Variants in SMIM31 observed in about 807,000 individuals in gnomAD.
SMIM31 encodes the protein small integral membrane protein 31.
intron 2 of SMIM31, among the ~76,000 whole-genome samples, chr4:164,772,231 A>G (rs936365387): frequency 2.0e-5 from 3 of 151,424 alleles, no homozygotes; most frequent in Non-Finnish European, 2.9e-5. Context: ...AGGAAGAGGG[A>G]GAAGGGGGAG....
At chr4:164,772,585 A>ATTTTATTT (rs70952642) in intron 2 of SMIM31, among the ~76,000 whole-genome samples, 51,140 of 142,504 alleles carry the variant, frequency 0.36, 9,610 homozygotes, top group East Asian at 0.47. Context: ...TTTTTATTTT[A>ATTTTATTT]TTTTTTTTTT....
At chr4:164,766,085 A>T (rs1297217533) in intron 1 of SMIM31, among the ~76,000 whole-genome samples, 1 of 152,210 alleles carries the variant, frequency 6.6e-6, no homozygotes, top group Non-Finnish European at 1.5e-5. Context: ...CAGCCATGAG[A>T]CAGAAAAATA....
rs145530721 is a variant in SMIM31, at chr4:164,777,670, A to G, written c.112+7115A>G. ...ATGATCCTTCATCAAAGGTGTGTCC[A>G]GCCTCTTGACAAGCAGTAGCTATCC... is the stretch of plus-strand genomic sequence containing the variant. On this transcript the variant is annotated intron_variant, in intron 2 of 2. Coordinates refer to ENST00000507311, the MANE Select transcript of SMIM31 (RefSeq NM_001352885.1). Among the ~76,000 whole-genome samples, 46 of 152,238 alleles carry G rather than the reference A, an allele frequency of 3.0e-4. No individual in the cohort carries two copies. In the East Asian group the frequency reaches 8.7e-3, roughly 29 times the overall value.
At chr4:164,790,303 TA>T (rs1363712639) in intron 2 of SMIM31, among the ~76,000 whole-genome samples, 12 of 152,278 alleles carry the variant, frequency 7.9e-5, no homozygotes, top group South Asian at 2.1e-4. Flanking sequence ...TGTATTTTTT[TA>T]AAAAAAATCC....
rs1579076886 is a variant in SMIM31, at chr4:164,801,154, G to C, written c.176G>C (p.Cys59Ser). Residue 59 changes from cysteine to serine, a missense_variant, in exon 3 of 3, where the codon TGC (cysteine) becomes TCC (serine). Coordinates refer to ENST00000507311, the MANE Select transcript of SMIM31 (RefSeq NM_001352885.1). ...KRKKSEKKKN[C>S]SEEEHRIEAV... is the part of the protein sequence containing the mutation. ...AAAAAGTCTGAAAAGAAGAAAAATT[G>C]CTCAGAGGAAGAGCACAGAATTGAA... The C allele has an allele frequency of 2.5e-6, 1 of 398,932 alleles. No homozygotes were observed. Among genetic ancestry groups the C allele is most frequent in the East Asian group, 3.6e-5 (1 of 28,060 alleles). The allele number at this position is 398,932 out of a possible 1,614,324, so 24.7% of individuals were successfully genotyped here.
At chr4:164,797,575 T>C (rs1007222609) in intron 2 of SMIM31, among the ~76,000 whole-genome samples, 3 of 151,346 alleles carry the variant, frequency 2.0e-5, no homozygotes, top group Admixed American at 2.0e-4. Flanking sequence ...GCGATTCTCC[T>C]GCCTCAGCCT....
chr4:164,798,668 T>G (rs1339070746), intron 2 of SMIM31, among the ~76,000 whole-genome samples: 1 of 152,206 alleles, frequency 6.6e-6, no homozygotes, highest in Non-Finnish European at 1.5e-5. Context: ...TAATTCCATT[T>G]AAGTCCGAAG....
At chr4:164,787,161 TAAC>T (rs1733035326) in intron 2 of SMIM31, 1 of 152,210 alleles carries the variant, frequency 6.6e-6, no homozygotes, top group Non-Finnish European at 1.5e-5. Flanking sequence ...TAAAACTACT[TAAC>T]AATGGGATAT....
chr4:164,794,777 C>T (rs1422162808), intron 2 of SMIM31, among the ~76,000 whole-genome samples: 2 of 151,566 alleles, frequency 1.3e-5, no homozygotes, highest in East Asian at 3.9e-4. Context: ...TGCACTCCAG[C>T]CTGGCAACAG....
intron 2 of SMIM31, among the ~76,000 whole-genome samples, chr4:164,788,399 T>G (rs1733053671): frequency 6.7e-6 from 1 of 149,918 alleles, no homozygotes; most frequent in Non-Finnish European, 1.5e-5. Context: ...CCTGGGGTAG[T>G]ACTGATGGAA....
chr4:164,798,697 T>A (rs751555893), intron 2 of SMIM31, among the ~76,000 whole-genome samples: 4 of 151,686 alleles, frequency 2.6e-5, no homozygotes, highest in Non-Finnish European at 4.4e-5. Context: ...ACCAGGAGAG[T>A]CAGTGATGTA....
intron 2 of SMIM31, among the ~76,000 whole-genome samples, chr4:164,779,552 ATTT>A (rs1222275537): frequency 6.6e-6 from 1 of 151,648 alleles, no homozygotes; most frequent in African/African-American, 2.4e-5. Flanking sequence ...TTTTTTTGCA[ATTT>A]TTCTGTTATC....
chr4:164,787,105 T>C (rs1733034788), intron 2 of SMIM31, among the ~76,000 whole-genome samples: 1 of 152,184 alleles, frequency 6.6e-6, no homozygotes, highest in African/African-American at 2.4e-5. Flanking sequence ...TGTTAATAAT[T>C]TTCAATCTCC....
chr4:164,762,661 TCAAA>T (rs1732666162), intron 1 of SMIM31, among the ~76,000 whole-genome samples: 2 of 33,584 alleles, frequency 6.0e-5, no homozygotes, highest in African/African-American at 3.3e-4. Context: ...AGACTCTGTC[TCAAA>T]AAAAAAAAAA....
chr4:164,795,153 A>G (rs1733172868), intron 2 of SMIM31, among the ~76,000 whole-genome samples: 1 of 152,226 alleles, frequency 6.6e-6, no homozygotes, highest in Non-Finnish European at 1.5e-5. Flanking sequence ...ATGACTTTGA[A>G]TCAGAAAGTT....
chr4:164,800,977 C>G (rs2110970096), intron 2 of SMIM31, 114 bp from the exon 3 acceptor site: 1 of 393,002 alleles, frequency 2.5e-6, no homozygotes, highest in Non-Finnish European at 4.5e-6. Flanking sequence ...CTTTCCTAGC[C>G]AACAGGAAAA....
At chr4:164,761,922 C>CAAAT (rs200368340) in intron 1 of SMIM31, among the ~76,000 whole-genome samples, 19,398 of 146,566 alleles carry the variant, frequency 0.13, 1,506 homozygotes, top group East Asian at 0.2. Flanking sequence ...GACTCCACCT[C>CAAAT]AAATAAATAA....
rs1733277336 is a variant in SMIM31 at position 164,801,084 on chromosome 4, A to G, written c.113-7A>G. The G allele has an allele frequency of 2.5e-6, 1 of 398,882 alleles. No individual in the cohort carries two copies. The highest frequency in any genetic ancestry group is 4.4e-6 in the Non-Finnish European group (1 of 225,990). 24.7% of individuals were successfully genotyped at this position (398,882 alleles called of 1,614,324 possible). A position where few individuals can be genotyped will look rare whatever the true frequency, so the allele number is the denominator to read the frequency against. ...CATTCCTTTTTCTAAATTCTTTCTTATTGCAGAGGAAGAACATGAAAAAAA... is the reference window on the plus strand; with the variant it reads ...CATTCCTTTTTCTAAATTCTTTCTTGTTGCAGAGGAAGAACATGAAAAAAA... On this transcript the variant is annotated splice_polypyrimidine_tract_variant and splice_region_variant and intron_variant, in intron 2 of 2. Transcript: ENST00000507311.
At chr4:164,772,641 C>G (rs1052522936) in intron 2 of SMIM31, among the ~76,000 whole-genome samples, 18 of 150,082 alleles carry the variant, frequency 1.2e-4, no homozygotes, top group Middle Eastern at 3.4e-3. Flanking sequence ...TGCAGTGGCG[C>G]GATCTCGACT....
Sources: allele counts gnomAD v4.1 joint callset (sites outside exome capture counted in the v4.1 genomes callset), GRCh38; gene constraint gnomAD v4.1.1; transcripts MANE v1.5; gene names NCBI Gene and HGNC (gene_info 2026-07-23, HGNC 2026-07-21).